The following GIMAP1 variants were observed in gnomAD, a reference collection of about 807,000 sequenced individuals.
The protein encoded by GIMAP1 is GTPase IMAP family member 1.
For missense variants in GIMAP1, 423 were observed against 411.9 expected, an observed-to-expected ratio of 1.03 and a Z score of -0.23; for synonymous variants, 230 against 187.7, an observed-to-expected ratio of 1.23 and a Z score of -1.84.
At chr7:150,718,088 G>A (rs1035928778) in intron 1 of GIMAP1, among the ~76,000 whole-genome samples, 4 of 152,110 alleles carry the variant, frequency 2.6e-5, no homozygotes, top group African/African-American at 7.2e-5. Flanking sequence ...AGGGGAAGCC[G>A]AGTGGGTTGG....
Position 150,722,409 on chromosome 7 carries a change from C to T in GIMAP1, c.*1484C>T, listed in dbSNP as rs1218336597. The T allele has an allele frequency of 6.6e-6, 1 of 152,658 alleles. No individual in the cohort carries two copies. The highest frequency in any genetic ancestry group is 2.4e-5 in the African/African-American group (1 of 41,464). The allele number at this position is 152,658 out of a possible 1,614,324, so 9.5% of individuals were successfully genotyped here. A position where few individuals can be genotyped will look rare whatever the true frequency, so the allele number is the denominator to read the frequency against. ...TTCGGGCAGGCTATGGTGAGGGGTC[C>T]TGAGGGCCTTGGTGACCGCTGCAGG... is the stretch of plus-strand genomic sequence containing the variant. On this transcript the variant is annotated 3_prime_UTR_variant, in exon 3 of 3. Transcript: ENST00000307194.
chr7:150,719,942 C>A (rs1269739354), intron 2 of GIMAP1, 106 bp from the exon 3 acceptor site: 12 of 1,408,978 alleles, frequency 8.5e-6, no homozygotes, highest in Non-Finnish European at 1.0e-5. Flanking sequence ...AACGCCCAGG[C>A]GTTCAAATCT....
rs1469170748 is a variant in GIMAP1 at position 150,723,029 on chromosome 7, G to A, written c.*2104G>A. 3 of 152,192 alleles carry A rather than the reference G, an allele frequency of 2.0e-5. No individual in the cohort carries two copies. Among genetic ancestry groups the A allele is most frequent in the Non-Finnish European group, 4.4e-5 (3 of 68,036 alleles). The allele number at this position is 152,192 out of a possible 1,614,324, so 9.4% of individuals were successfully genotyped here. On this transcript the variant is annotated 3_prime_UTR_variant, in exon 3 of 3. Coordinates refer to ENST00000307194, the MANE Select transcript of GIMAP1 (RefSeq NM_130759.4). ...CTGCCTCCTACCTCAGTAATAAAAA[G>A]TAGTAGTATATGGTTAATTGTCAAA...
At position 150,720,330 on chromosome 7, in the gene GIMAP1, C is replaced by T; in HGVS notation, c.326C>T (p.Ala109Val). The T allele has an allele frequency of 6.2e-7, 1 of 1,613,442 alleles. No individual in the cohort carries two copies. Among genetic ancestry groups the T allele is most frequent in the Non-Finnish European group, 8.5e-7 (1 of 1,179,656 alleles). ...EERGHCYLLS[A>V]PGPHALLLVT... Reference sequence around the variant, plus strand: ...AGAGGTCACTGCTACCTGCTCTCGGCCCCCGGACCCCACGCGCTGCTCCTG... The same window carrying T: ...AGAGGTCACTGCTACCTGCTCTCGGTCCCCGGACCCCACGCGCTGCTCCTG... Residue 109 changes from alanine (A) to valine (V), a missense_variant, in exon 3 of 3, where the codon GCC becomes GTC. Ala to Val is a moderately conservative substitution (Grantham distance 64). Transcript: ENST00000307194. This position sits in a 1 kb window ranked among gnomAD's most constrained non-coding sequence, Gnocchi z 4.5.
rs141511245 is a variant in GIMAP1, at chr7:150,719,556, G to A, written c.43+466G>A. On this transcript the variant is annotated intron_variant, in intron 2 of 2. Coordinates refer to ENST00000307194, the MANE Select transcript of GIMAP1 (RefSeq NM_130759.4). ...CCCCTCAACAGGCCTCTGAGAAACAGGCCCCTATTATCGCTCCCACTTTTG... is the reference window on the plus strand; with the variant it reads ...CCCCTCAACAGGCCTCTGAGAAACAAGCCCCTATTATCGCTCCCACTTTTG... 5.4e-5 allele frequency: 9 copies of A among 165,658 alleles called. No individual in the cohort carries two copies. The East Asian group carries it at 1.4e-3, about 26-fold the overall frequency. 10.3% of individuals were successfully genotyped at this position (165,658 alleles called of 1,614,324 possible).
In GIMAP1 at chr7:150,720,419, T is replaced by A. The variant is rs1320895562; in HGVS notation, c.415T>A (p.Phe139Ile). The A allele has an allele frequency of 2.5e-6, 4 of 1,580,416 alleles. No homozygotes were observed. Among genetic ancestry groups the A allele is most frequent in the Non-Finnish European group, 3.4e-6 (4 of 1,161,468 alleles). The change falls in exon 3 of 3, where the codon TTC becomes ATC. Residue 139 changes from phenylalanine (F) to isoleucine (I), a missense_variant. Phe to Ile is a conservative substitution (Grantham distance 21). Coordinates refer to ENST00000307194, the MANE Select transcript of GIMAP1 (RefSeq NM_130759.4). The surrounding 1 kb of genome is among the most constrained non-coding windows in gnomAD (Gnocchi z 4.5). ...QQAVRQVRDMFGEDVLKWMVI... is the reference protein window; with the variant it reads ...QQAVRQVRDMIGEDVLKWMVI... ...GGCGGTGAGGCAGGTGAGGGACATG[T>A]TCGGGGAGGACGTCCTAAAATGGAT...
intron 1 of GIMAP1, among the ~76,000 whole-genome samples, chr7:150,716,976 A>G (rs1410668762): frequency 6.6e-6 from 1 of 152,036 alleles, no homozygotes; most frequent in African/African-American, 2.4e-5. Flanking sequence ...AGTGTGCTGG[A>G]ACCACCTCCA....
rs1269349732 is a variant in GIMAP1, at chr7:150,720,169, C to T, written c.165C>T (p.Ser55=). Residue 55 remains serine (S), a synonymous_variant, in exon 3 of 3, where the codon TCC becomes TCT. Coordinates refer to ENST00000307194, the MANE Select transcript of GIMAP1 (RefSeq NM_130759.4). The surrounding 1 kb of genome is among the most constrained non-coding windows in gnomAD (Gnocchi z 4.5). ...TCCTGGGCCAGAGACGGTTCTTCTC[C>T]AGGCTGGGGGCCACGTCTGTGACCA... ...NSILGQRRFF[S]RLGATSVTRA... 2.5e-6 allele frequency: 4 copies of T among 1,614,132 alleles called. No individual in the cohort carries two copies. The highest frequency in any genetic ancestry group is 2.2e-5 in the East Asian group (1 of 44,878).
At chr7:150,718,651 G>A (rs567800596) in intron 1 of GIMAP1, among the ~76,000 whole-genome samples, 15 of 152,106 alleles carry the variant, frequency 9.9e-5, no homozygotes, top group African/African-American at 2.4e-4. Flanking sequence ...TGTTATAACC[G>A]ACCCTCTGCT....
At chr7:150,718,205 G>A (rs1015919509) in intron 1 of GIMAP1, among the ~76,000 whole-genome samples, 2 of 152,168 alleles carry the variant, frequency 1.3e-5, no homozygotes, top group African/African-American at 2.4e-5. Flanking sequence ...GTGTTCAGGA[G>A]CTTGTGTGAT....
rs780732470 is a variant in GIMAP1, at chr7:150,719,108, C to T, written c.43+18C>T. ...TGTCTATGGTAAGACCATATCTCTA[C>T]ACCTCATACTTGCCCCCCTAGGCTT... On this transcript the variant is annotated intron_variant, in intron 2 of 2. Coordinates refer to ENST00000307194, the MANE Select transcript of GIMAP1 (RefSeq NM_130759.4). The T allele has an allele frequency of 1.9e-6, 3 of 1,614,160 alleles. No individual in the cohort carries two copies. The highest frequency in any genetic ancestry group is 2.5e-6 in the Non-Finnish European group (3 of 1,180,022).
At chr7:150,719,199 C>G in intron 2 of GIMAP1, 109 bp downstream of exon 2, 1 of 1,406,680 alleles carries the variant, frequency 7.1e-7, no homozygotes, top group Non-Finnish European at 9.9e-7. Flanking sequence ...CCAGAGGTGT[C>G]TCAACTCTGG....
In GIMAP1 at chr7:150,718,970, TGCCTATTTGTGGTTA is replaced by T. The variant is rs1227848470; in HGVS notation, c.-6-71_-6-57del. ...TTGCCTGACACCCTGTAGGTGGTTA[TGCCTATTTGTGGTTA>T]TGCCTATTTGAGGAATAAATAAATG... On this transcript the variant is annotated intron_variant, in intron 1 of 2. Transcript: ENST00000307194. 14 of 483,064 alleles carry T rather than the reference TGCCTATTTGTGGTTA, an allele frequency of 2.9e-5. No homozygotes were observed. The African/African-American group carries it at 3.2e-3, about 110-fold the overall frequency. The allele number at this position is 483,064 out of a possible 1,614,324, so 29.9% of individuals were successfully genotyped here.
chr7:150,719,301 AC>A, intron 2 of GIMAP1: 4 of 599,702 alleles, frequency 6.7e-6, no homozygotes, highest in Non-Finnish European at 1.2e-5. Flanking sequence ...CCTTGGTTCC[AC>A]AGTATAAAAT....
At position 150,720,292 on chromosome 7, in the gene GIMAP1, T is replaced by C; in HGVS notation, c.288T>C (p.Pro96=). ...GCTCCCAAGTGTCCAAGACAGATCC[T>C]GGCTGTGAGGAGAGAGGTCACTGCT... The part of the protein sequence containing the change: ...IFSSQVSKTD[P]GCEERGHCYL... The change falls in exon 3 of 3, where the codon CCT becomes CCC. Residue 96 remains proline (P), a synonymous_variant. Transcript: ENST00000307194. This position sits in a 1 kb window ranked among gnomAD's most constrained non-coding sequence, Gnocchi z 4.5. 3 of 1,614,218 alleles carry C rather than the reference T, an allele frequency of 1.9e-6. No individual in the cohort carries two copies. Among genetic ancestry groups the C allele is most frequent in the Non-Finnish European group, 2.5e-6 (3 of 1,180,038 alleles).
Position 150,720,743 on chromosome 7 carries a change from G to A in GIMAP1, c.739G>A (p.Val247Met), listed in dbSNP as rs1476231665. Residue 247 changes from valine to methionine, a missense_variant, in exon 3 of 3, where the codon GTG (valine) becomes ATG (methionine). Transcript: ENST00000307194. The surrounding 1 kb of genome is among the most constrained non-coding windows in gnomAD (Gnocchi z 4.5). ...EERLRRVAER[V>M]AARVQRRPWG... ...GCGGCTCCGGCGGGTGGCGGAGCGC[G>A]TGGCAGCCAGGGTGCAGAGGAGGCC... The A allele has an allele frequency of 2.6e-6, 4 of 1,565,836 alleles. No homozygotes were observed. The highest frequency in any genetic ancestry group is 1.9e-5 in the Admixed American group (1 of 52,458).
chr7:150,722,256 G>A lies in GIMAP1; in HGVS notation c.*1331G>A, dbSNP rs971491700. The A allele has an allele frequency of 1.3e-5, 2 of 152,386 alleles. No individual in the cohort carries two copies. The highest frequency in any genetic ancestry group is 1.3e-4 in the Admixed American group (2 of 15,290). The allele number at this position is 152,386 out of a possible 1,614,324, so 9.4% of individuals were successfully genotyped here. Reference sequence around the variant, plus strand: ...CATTAGCTCTATTCAAGAGGAAGAGGAGGAGGGAGTGTGCGCAGGCGCCCT... The same window carrying A: ...CATTAGCTCTATTCAAGAGGAAGAGAAGGAGGGAGTGTGCGCAGGCGCCCT... On this transcript the variant is annotated 3_prime_UTR_variant, in exon 3 of 3. Transcript: ENST00000307194.
chr7:150,718,596 C>T (rs111955755), intron 1 of GIMAP1, among the ~76,000 whole-genome samples: 26 of 152,172 alleles, frequency 1.7e-4, no homozygotes, highest in African/African-American at 6.0e-4. Flanking sequence ...GATATAGAAT[C>T]ACCCAGGGAA....
rs1797283585 is a variant in GIMAP1, at chr7:150,720,545, T to G, written c.541T>G (p.Cys181Gly). Reference protein sequence around the residue: ...NRALRELVAECGGRVCAFDNR... With the variant: ...NRALRELVAEGGGRVCAFDNR... ...GGCCTTGCGCGAGCTGGTGGCCGAG[T>G]GCGGGGGCCGGGTCTGTGCCTTTGA... Residue 181 changes from cysteine (C) to glycine (G), a missense_variant, in exon 3 of 3, where the codon TGC (cysteine) becomes GGC (glycine). Cys to Gly is a radical substitution (Grantham distance 159). Coordinates refer to ENST00000307194, the MANE Select transcript of GIMAP1 (RefSeq NM_130759.4). This position sits in a 1 kb window ranked among gnomAD's most constrained non-coding sequence, Gnocchi z 4.5. 2 of 1,610,924 alleles carry G rather than the reference T, an allele frequency of 1.2e-6. No homozygotes were observed. The highest frequency in any genetic ancestry group is 4.5e-5 in the East Asian group (2 of 44,864).
Sources: allele counts gnomAD v4.1 joint callset (sites outside exome capture counted in the v4.1 genomes callset), GRCh38; gene constraint gnomAD v4.1.1; non-coding constraint Gnocchi (gnomAD v3.1); transcripts MANE v1.5; gene names NCBI Gene and HGNC (gene_info 2026-07-23, HGNC 2026-07-21).